Variants in NDST4 observed in about 807,000 individuals in gnomAD.
NDST4 encodes the protein N-heparan sulfate sulfotransferase 4.
In NDST4, 63 loss-of-function variants were observed where a neutral mutation model predicts 100.8. The observed-to-expected ratio is 0.62, with a 90% CI of 0.51 to 0.77. The LOEUF is 0.77. NDST4 is among the 30% of genes least tolerant of loss of function. The probability of loss-of-function intolerance (pLI) is 0.00; values close to 1 mark genes in which losing one functional copy is unlikely to be tolerated. For synonymous variants in NDST4, 377 were observed against 361.8 expected, an observed-to-expected ratio of 1.04 and a Z score of -0.48; for missense variants, 943 against 1,018.4, an observed-to-expected ratio of 0.93 and a Z score of 1.01.
chr4:115,036,607 AGGT>A (rs1208178792), intron 2 of NDST4, among the ~76,000 whole-genome samples: 1 of 151,894 alleles, frequency 6.6e-6, no homozygotes, highest in Non-Finnish European at 1.5e-5. Context: ...AAATTTGCCA[AGGT>A]CATATAATGC....
At chr4:114,958,628 G>A (rs774651570) in intron 4 of NDST4, among the ~76,000 whole-genome samples, 27 of 152,132 alleles carry the variant, frequency 1.8e-4, no homozygotes, top group African/African-American at 5.1e-4. Context: ...CAAGGCCCTG[G>A]TTCCAGTCCA....
intron 6 of NDST4, among the ~76,000 whole-genome samples, chr4:114,932,129 C>T (rs1278434373): frequency 6.6e-6 from 1 of 151,784 alleles, no homozygotes; most frequent in African/African-American, 2.4e-5. Flanking sequence ...AATACCAAAT[C>T]AAAACATTAA....
At chr4:115,009,265 C>T (rs181501538) in intron 2 of NDST4, among the ~76,000 whole-genome samples, 3,228 of 129,046 alleles carry the variant, frequency 0.025, 793 homozygotes, top group African/African-American at 0.075. Flanking sequence ...GGAGGCATCA[C>T]GCTACCTAAC....
chr4:114,888,097 A>T (rs573046146), intron 6 of NDST4, among the ~76,000 whole-genome samples: 1 of 152,136 alleles, frequency 6.6e-6, no homozygotes, highest in African/African-American at 2.4e-5. Flanking sequence ...CCAGCTACTC[A>T]GGAGGCTGAG....
At chr4:115,097,132 T>C (rs1475435020) in intron 1 of NDST4, among the ~76,000 whole-genome samples, 1 of 152,132 alleles carries the variant, frequency 6.6e-6, no homozygotes, top group Non-Finnish European at 1.5e-5. Context: ...TTTACTCTTC[T>C]ACTCTTTTCT....
chr4:115,088,909 T>A (rs932389902), intron 1 of NDST4, among the ~76,000 whole-genome samples: 24 of 152,108 alleles, frequency 1.6e-4, no homozygotes, highest in African/African-American at 5.5e-4. Flanking sequence ...AGTGAGTGTG[T>A]CTGTCTCCAC....
chr4:115,099,339 T>G (rs1163441092), intron 1 of NDST4, among the ~76,000 whole-genome samples: 1 of 152,052 alleles, frequency 6.6e-6, no homozygotes, highest in Admixed American at 6.6e-5. Flanking sequence ...AGTAATAAAC[T>G]TTTGCTCGGT....
chr4:114,842,470 G>C (rs973814926), intron 10 of NDST4, among the ~76,000 whole-genome samples: 2 of 151,270 alleles, frequency 1.3e-5, no homozygotes, highest in African/African-American at 4.9e-5. Flanking sequence ...ACTCGGATCA[G>C]CAAAAGAAAA....
At chr4:115,092,841 A>T (rs1243956799) in intron 1 of NDST4, among the ~76,000 whole-genome samples, 1 of 152,188 alleles carries the variant, frequency 6.6e-6, no homozygotes, top group African/African-American at 2.4e-5. Flanking sequence ...ACACAAAATA[A>T]ATAGGTCTGT....
intron 4 of NDST4, among the ~76,000 whole-genome samples, chr4:114,959,781 C>T (rs1013667447): frequency 2.6e-5 from 4 of 151,852 alleles, no homozygotes; most frequent in Non-Finnish European, 5.9e-5. Flanking sequence ...ACCAGAGCCT[C>T]AAAGAAATGT....
rs532221141 is a variant in NDST4, at chr4:114,923,070, C to T, written c.1536+12136G>A. The stretch of plus-strand genomic sequence containing the variant: ...AGTACTGTAGGCATAAGAAGCTATA[C>T]ATACCAAAGCCTTCTAATACAGAAT... On this transcript the variant is annotated intron_variant, in intron 6 of 13. Transcript: ENST00000264363. Among the ~76,000 whole-genome samples the T allele has an allele frequency of 2.0e-5, 3 of 152,296 alleles. No individual in the cohort carries two copies. The East Asian group carries it at 5.8e-4, about 29-fold the overall frequency.
At chr4:115,110,377 C>A (rs1432626074) in intron 1 of NDST4, among the ~76,000 whole-genome samples, 3 of 151,978 alleles carry the variant, frequency 2.0e-5, no homozygotes, top group Admixed American at 6.6e-5. Flanking sequence ...TGACACCTGA[C>A]CCATTTATCT....
intron 6 of NDST4, among the ~76,000 whole-genome samples, chr4:114,875,131 T>C (rs983944452): frequency 7.2e-5 from 11 of 152,180 alleles, no homozygotes; most frequent in African/African-American, 2.4e-4. Context: ...CTAATTTCAG[T>C]AGGCCAATTG....
intron 2 of NDST4, among the ~76,000 whole-genome samples, chr4:114,995,476 T>C (rs1219742639): frequency 6.6e-6 from 1 of 152,046 alleles, no homozygotes; most frequent in South Asian, 2.1e-4. Flanking sequence ...AATGCTGACA[T>C]CCTGGCATTG....
intron 3 of NDST4, among the ~76,000 whole-genome samples, chr4:114,975,087 G>A (rs1726601052): frequency 6.6e-6 from 1 of 152,108 alleles, no homozygotes; most frequent in African/African-American, 2.4e-5. Context: ...GTATAGAAAT[G>A]TGACAAGATA....
intron 6 of NDST4, among the ~76,000 whole-genome samples, chr4:114,909,636 C>T (rs533224761): frequency 4.4e-5 from 6 of 136,382 alleles, no homozygotes; most frequent in Admixed American, 1.5e-4. Context: ...GTCTGCAGTC[C>T]GGCCTGCTGG....
At position 114,973,399 on chromosome 4, in the gene NDST4, T is replaced by C. The variant is rs1401715329; in HGVS notation, c.1067-2815A>G. Among the ~76,000 whole-genome samples the C allele has an allele frequency of 2.0e-5, 3 of 151,964 alleles. No individual in the cohort carries two copies. In the East Asian group the frequency reaches 5.8e-4, roughly 29 times the overall value. On this transcript the variant is annotated intron_variant, in intron 3 of 13. Coordinates refer to ENST00000264363, the MANE Select transcript of NDST4 (RefSeq NM_022569.3). The stretch of plus-strand genomic sequence containing the variant: ...TTATATGTGGAAATATCATTTGCAG[T>C]TTATATGTGACCAGATTAGCATGTT...
intron 2 of NDST4, among the ~76,000 whole-genome samples, chr4:115,021,830 C>G (rs1359993282): frequency 2.0e-5 from 3 of 150,922 alleles, no homozygotes; most frequent in Non-Finnish European, 4.4e-5. Flanking sequence ...CCTTCCACAT[C>G]TATACACATT....
chr4:115,078,830 A>T (rs1439138184), intron 1 of NDST4, among the ~76,000 whole-genome samples: 1 of 151,566 alleles, frequency 6.6e-6, no homozygotes, highest in Non-Finnish European at 1.5e-5. Flanking sequence ...ATAGAGCAAA[A>T]CTCTCTTCCG....
Sources: gnomAD v4.1 joint callset for allele counts (sites outside exome capture counted in the v4.1 genomes callset) on GRCh38, gnomAD v4.1.1 for gene constraint, MANE v1.5 for transcripts, NCBI Gene and HGNC (gene_info 2026-07-23, HGNC 2026-07-21) for gene names.